TCF4: variants seen among roughly 807,000 people sequenced by gnomAD.
TCF4 encodes the protein SL3-3 enhancer factor 2.
A neutral mutation model predicts 82.1 loss-of-function variants in TCF4; 3 were observed. The ratio of observed to expected loss-of-function variants is 0.04; its 90% CI spans 0.02 to 0.09. TCF4 has a LOEUF of 0.09. Ranked by LOEUF, TCF4 falls within the 10% of genes least tolerant of loss-of-function variation. TCF4 has a pLI of 1.00. For missense variants in TCF4, 518 were observed against 852.7 expected, an observed-to-expected ratio of 0.61 and a Z score of 4.89; for synonymous variants, 276 against 309.6, an observed-to-expected ratio of 0.89 and a Z score of 1.14.
chr18:55,252,771 G>C (rs1240844970), intron 15 of TCF4, among the ~76,000 whole-genome samples: 1 of 152,112 alleles, frequency 6.6e-6, no homozygotes, highest in East Asian at 1.9e-4. Context: ...TGTTGATTGA[G>C]AGCAGATATA....
intron 8 of TCF4, among the ~76,000 whole-genome samples, chr18:55,290,181 A>G (rs898632795): frequency 6.6e-6 from 1 of 152,212 alleles, no homozygotes; most frequent in African/African-American, 2.4e-5. Context: ...ACCATTCCCT[A>G]CCCTTTTCCC....
intron 12 of TCF4, chr18:55,261,243 T>G: frequency 3.4e-6 from 2 of 596,302 alleles, no homozygotes; most frequent in South Asian, 3.9e-5. Flanking sequence ...CATCCATAAT[T>G]GAGTGCAGCT....
intron 8 of TCF4, among the ~76,000 whole-genome samples, chr18:55,318,485 C>A (rs1044346202): frequency 2.0e-5 from 3 of 151,920 alleles, no homozygotes; most frequent in Admixed American, 2.0e-4. Flanking sequence ...AGTATTTAAA[C>A]CTCTAATGCA....
At chr18:55,363,625 G>A (rs1000117498) in intron 6 of TCF4, among the ~76,000 whole-genome samples, 7 of 152,040 alleles carry the variant, frequency 4.6e-5, no homozygotes, top group Admixed American at 1.3e-4. Context: ...CCAACACGGC[G>A]AAACCCCATG....
chr18:55,399,002 T>C (rs931593247), intron 6 of TCF4, among the ~76,000 whole-genome samples: 7 of 152,352 alleles, frequency 4.6e-5, no homozygotes, highest in Admixed American at 1.3e-4. Flanking sequence ...GGCATCTTAG[T>C]AAATTAAAAA....
chr18:55,407,817 AT>A (rs2094169489), intron 5 of TCF4, among the ~76,000 whole-genome samples: 1 of 152,190 alleles, frequency 6.6e-6, no homozygotes, highest in East Asian at 1.9e-4. Context: ...ATTATCAGCC[AT>A]TTGACTTCCA....
chr18:55,509,805 GA>G (rs2096804786), intron 3 of TCF4, among the ~76,000 whole-genome samples: 1 of 152,092 alleles, frequency 6.6e-6, no homozygotes, highest in Non-Finnish European at 1.5e-5. Context: ...AAAATAAAGG[GA>G]AAGGGGCGGG....
intron 2 of TCF4, among the ~76,000 whole-genome samples, chr18:55,609,307 G>A (rs2147960658): frequency 6.6e-6 from 1 of 152,286 alleles, no homozygotes; most frequent in South Asian, 2.1e-4. Flanking sequence ...CACTGCTGCT[G>A]GGAAGACTCA....
At chr18:55,596,244 C>T (rs1411564979) in intron 2 of TCF4, 4 of 319,178 alleles carry the variant, frequency 1.3e-5, no homozygotes, top group South Asian at 6.7e-5. Flanking sequence ...AAAATCAGCA[C>T]ATGGAAATCT....
rs370900867 is a variant in TCF4 at position 55,480,303 on chromosome 18, GGGC to G, written c.146-16169_146-16167del. Reference sequence around the variant, plus strand: ...AAAAAAAAAAAAAAAAAAAGCGGGGGGGCGGGGGGAGGATATTATGTGTATTAC... The same window carrying G: ...AAAAAAAAAAAAAAAAAAAGCGGGGGGGGGGGAGGATATTATGTGTATTAC... On this transcript the variant is annotated intron_variant, in intron 3 of 19. Transcript: ENST00000354452. Among the ~76,000 whole-genome samples the G allele has an allele frequency of 8.4e-3, 1,124 of 134,188 alleles. 67 individuals are homozygous for G. The highest frequency in any genetic ancestry group is 0.032 in the African/African-American group (1,070 of 33,676). 88.0% of individuals were successfully genotyped at this position (134,188 alleles called of 152,430 possible). A position where few individuals can be genotyped will look rare whatever the true frequency, so the allele number is the denominator to read the frequency against.
intron 6 of TCF4, among the ~76,000 whole-genome samples, chr18:55,392,872 T>C (rs2093254147): frequency 6.6e-6 from 1 of 152,174 alleles, no homozygotes; most frequent in South Asian, 2.1e-4. Context: ...TATGAAAATA[T>C]AAAGCAAAAA....
chr18:55,408,433 G>T (rs1032063433), intron 5 of TCF4, among the ~76,000 whole-genome samples: 8 of 152,100 alleles, frequency 5.3e-5, no homozygotes, highest in Admixed American at 2.0e-4. Flanking sequence ...TGATTACCCT[G>T]TGAATCTATA....
In TCF4 at chr18:55,226,131, C is replaced by T. The variant is rs2046565587; in HGVS notation, c.*1904G>A. 1 of 152,418 alleles carries T rather than the reference C, an allele frequency of 6.6e-6. No individual in the cohort carries two copies. Among genetic ancestry groups the T allele is most frequent in the Non-Finnish European group, 1.5e-5 (1 of 67,974 alleles). 9.4% of individuals were successfully genotyped at this position (152,418 alleles called of 1,614,324 possible). ...CAATTTCAAAATAATGATACGTTTGCCATTTGTTGCATAAAATTTACAAAT... is the reference window on the plus strand; with the variant it reads ...CAATTTCAAAATAATGATACGTTTGTCATTTGTTGCATAAAATTTACAAAT... On this transcript the variant is annotated 3_prime_UTR_variant, in exon 20 of 20. Coordinates refer to ENST00000354452, the MANE Select transcript of TCF4 (RefSeq NM_001083962.2).
intron 5 of TCF4, among the ~76,000 whole-genome samples, chr18:55,440,389 G>A (rs1345760154): frequency 2.0e-5 from 3 of 152,096 alleles, no homozygotes; most frequent in Non-Finnish European, 4.4e-5. Context: ...CTCACCCCTT[G>A]ATCACCTGTT....
At chr18:55,275,785 A>G in intron 9 of TCF4, 33 bp from the exon 10 acceptor site, 1 of 1,613,530 alleles carries the variant, frequency 6.2e-7, no homozygotes, top group Non-Finnish European at 8.5e-7. Context: ...TGACTTTCTG[A>G]GGCATTCAGC....
intron 5 of TCF4, among the ~76,000 whole-genome samples, chr18:55,406,695 G>A (rs1052618008): frequency 8.5e-5 from 13 of 152,086 alleles, no homozygotes; most frequent in Admixed American, 2.6e-4. Context: ...ACTGGCTGGC[G>A]CGGACAGCCT....
chr18:55,348,588 CTG>C (rs1421540315), intron 8 of TCF4, among the ~76,000 whole-genome samples: 3 of 152,152 alleles, frequency 2.0e-5, no homozygotes, highest in Admixed American at 6.5e-5. Context: ...AAAGAAAACA[CTG>C]TACCAGTAAA....
chr18:55,309,277 A>G (rs577793698), intron 8 of TCF4, among the ~76,000 whole-genome samples: 1 of 128,106 alleles, frequency 7.8e-6, no homozygotes, highest in African/African-American at 3.0e-5. Flanking sequence ...ATGCCTGGCT[A>G]ATTTTTTTTT....
chr18:55,354,944 A>G (rs1603304004), intron 6 of TCF4, among the ~76,000 whole-genome samples: 1 of 152,162 alleles, frequency 6.6e-6, no homozygotes, highest in Non-Finnish European at 1.5e-5. Context: ...ATCAGACACA[A>G]CATCTTGGGG....
Sources: gnomAD v4.1 joint callset for allele counts (sites outside exome capture counted in the v4.1 genomes callset) on GRCh38, gnomAD v4.1.1 for gene constraint, MANE v1.5 for transcripts, NCBI Gene and HGNC (gene_info 2026-07-23, HGNC 2026-07-21) for gene names.